CLTA: variants seen among roughly 807,000 people sequenced by gnomAD.
CLTA encodes clathrin, light polypeptide (Lca).
CLTA carries 9 observed loss-of-function variants against 26.9 expected under a neutral mutation model. The observed-to-expected ratio is 0.33, with a 90% confidence interval of 0.20 to 0.58. The LOEUF is 0.58. Ranked by LOEUF, CLTA falls within the 20% of genes least tolerant of loss-of-function variation. CLTA has a pLI of 0.85. For synonymous variants in CLTA, 120 were observed against 115.5 expected (o/e 1.04, Z -0.25); for missense variants, 278 against 294.2 (o/e 0.94, Z 0.40).
chr9:36,202,753 T>A (rs757201868), intron 3 of CLTA, among the ~76,000 whole-genome samples: 8 of 152,186 alleles, frequency 5.3e-5, no homozygotes, highest in Admixed American at 6.5e-5. Flanking sequence ...CAGAAGAACT[T>A]GTTTAAAGTG....
chr9:36,194,975 T>C (rs912921050), intron 1 of CLTA, among the ~76,000 whole-genome samples: 20 of 152,280 alleles, frequency 1.3e-4, no homozygotes, highest in African/African-American at 4.3e-4. Flanking sequence ...GAGGATTGCT[T>C]CTTGTTTTGT....
chr9:36,204,194 G>T lies in CLTA; in HGVS notation c.485+15G>T. The T allele has an allele frequency of 1.9e-6, 3 of 1,603,592 alleles. No homozygotes were observed. The highest frequency in any genetic ancestry group is 2.6e-6 in the Non-Finnish European group (3 of 1,175,164). On this transcript the variant is annotated intron_variant, in intron 4 of 4. Coordinates refer to ENST00000345519, the MANE Select transcript of CLTA (RefSeq NM_001833.4). Reference sequence around the variant, plus strand: ...GCAAACAACAGGTCAGTCCGTGGTGGTTGTAGCACACTTTGTTTTCCAAAA... The same window carrying T: ...GCAAACAACAGGTCAGTCCGTGGTGTTTGTAGCACACTTTGTTTTCCAAAA...
chr9:36,207,972 G>T (rs1292246436), intron 4 of CLTA, among the ~76,000 whole-genome samples: 2 of 152,106 alleles, frequency 1.3e-5, no homozygotes, highest in Non-Finnish European at 2.9e-5. Flanking sequence ...TAATCAGCCT[G>T]CTCTTTTTGC....
chr9:36,197,714 T>A lies in CLTA; in HGVS notation c.255+126T>A, dbSNP rs1288904260. ...TTCCTGAATGTATTACTGGCTGGTGTGTTATCTACCAAAGTGGAAAGATTT... is the reference window on the plus strand; with the variant it reads ...TTCCTGAATGTATTACTGGCTGGTGAGTTATCTACCAAAGTGGAAAGATTT... On this transcript the variant is annotated intron_variant, in intron 2 of 4. Coordinates refer to ENST00000345519, the MANE Select transcript of CLTA (RefSeq NM_001833.4). 8 of 677,468 alleles carry A rather than the reference T, an allele frequency of 1.2e-5. No homozygotes were observed. In the East Asian group the frequency reaches 1.9e-4, roughly 16 times the overall value. The allele number at this position is 677,468 out of a possible 1,614,324, so 42.0% of individuals were successfully genotyped here. A position where few individuals can be genotyped will look rare whatever the true frequency, so the allele number is the denominator to read the frequency against.
chr9:36,194,988 A>G (rs1257494341), intron 1 of CLTA, among the ~76,000 whole-genome samples: 1 of 152,196 alleles, frequency 6.6e-6, no homozygotes, highest in African/African-American at 2.4e-5. Context: ...TGTTTTGTAT[A>G]TGGAGTAGTG....
intron 1 of CLTA, among the ~76,000 whole-genome samples, chr9:36,192,258 G>A (rs1004441000): frequency 6.6e-6 from 1 of 152,192 alleles, no homozygotes; most frequent in Admixed American, 6.5e-5. Flanking sequence ...AGCCAGGTAG[G>A]TAACATATAC....
In CLTA at chr9:36,211,923, T is replaced by G; in HGVS notation, c.*149T>G. 2.8e-6 allele frequency: 2 copies of G among 724,322 alleles called. No individual in the cohort carries two copies. The highest frequency in any genetic ancestry group is 4.7e-6 in the Non-Finnish European group (2 of 428,960). 44.9% of individuals were successfully genotyped at this position (724,322 alleles called of 1,614,324 possible). A position where few individuals can be genotyped will look rare whatever the true frequency, so the allele number is the denominator to read the frequency against. ...TCATTGTTTGTGATTGCATGTTTCC[T>G]TCCTTCAACTGTGTTCTCCCTGGCA... On this transcript the variant is annotated 3_prime_UTR_variant, in exon 5 of 5. Coordinates refer to ENST00000345519, the MANE Select transcript of CLTA (RefSeq NM_001833.4).
intron 3 of CLTA, among the ~76,000 whole-genome samples, chr9:36,202,216 C>A (rs1321205478): frequency 6.6e-6 from 1 of 152,188 alleles, no homozygotes; most frequent in Non-Finnish European, 1.5e-5. Context: ...AAATTAGATA[C>A]CGAGATGAAC....
chr9:36,206,309 AGTGGC>A (rs1827723223), intron 4 of CLTA, among the ~76,000 whole-genome samples: 1 of 152,144 alleles, frequency 6.6e-6, no homozygotes, highest in South Asian at 2.1e-4. Flanking sequence ...GCATAACGCT[AGTGGC>A]ACACTAGCCA....
chr9:36,203,072 A>G (rs1827509168), intron 3 of CLTA, among the ~76,000 whole-genome samples: 1 of 152,018 alleles, frequency 6.6e-6, no homozygotes, highest in South Asian at 2.1e-4. Context: ...ACCTCAGATG[A>G]TCCACCTGCC....
At chr9:36,210,750 G>A (rs527361966) in intron 4 of CLTA, 46 of 1,485,724 alleles carry the variant, frequency 3.1e-5, no homozygotes, top group African/African-American at 2.8e-4. Context: ...TGTTTGCCAC[G>A]GCCATCCCTG....
At chr9:36,195,696 G>A (rs1826981108) in intron 1 of CLTA, among the ~76,000 whole-genome samples, 3 of 152,232 alleles carry the variant, frequency 2.0e-5, no homozygotes, top group African/African-American at 7.2e-5. Flanking sequence ...GCCAGGTGCG[G>A]TGGCTCACGC....
At chr9:36,208,398 C>T (rs991947022) in intron 4 of CLTA, among the ~76,000 whole-genome samples, 1 of 152,178 alleles carries the variant, frequency 6.6e-6, no homozygotes, top group Non-Finnish European at 1.5e-5. Flanking sequence ...CTGGGCTGCA[C>T]CTTATCAAAG....
intron 4 of CLTA, chr9:36,210,506 A>G: frequency 6.5e-7 from 1 of 1,535,222 alleles, no homozygotes; most frequent in Middle Eastern, 1.7e-4. Flanking sequence ...CACGTCCCCA[A>G]GCACAGATAG....
intron 1 of CLTA, among the ~76,000 whole-genome samples, chr9:36,194,437 A>C (rs535254534): frequency 2.6e-5 from 4 of 152,188 alleles, no homozygotes; most frequent in Non-Finnish European, 5.9e-5. Context: ...GGGAAATCTC[A>C]TGCATGATAG....
At chr9:36,210,699 C>T in intron 4 of CLTA, 1 of 1,612,610 alleles carries the variant, frequency 6.2e-7, no homozygotes, top group Non-Finnish European at 8.5e-7. Context: ...ACTGTGTGTG[C>T]CATGAAGTCG....
intron 3 of CLTA, among the ~76,000 whole-genome samples, chr9:36,201,810 T>C (rs1827428202): frequency 6.6e-6 from 1 of 152,124 alleles, no homozygotes; most frequent in African/African-American, 2.4e-5. Context: ...GATAGACACA[T>C]ATTAGATGTT....
chr9:36,200,575 A>G (rs892640113), intron 3 of CLTA, among the ~76,000 whole-genome samples: 5 of 152,248 alleles, frequency 3.3e-5, no homozygotes, highest in African/African-American at 4.8e-5. Context: ...GACACAGCCA[A>G]TTAGTGCCAA....
At chr9:36,199,675 C>T (rs994141731) in intron 3 of CLTA, among the ~76,000 whole-genome samples, 2 of 151,452 alleles carry the variant, frequency 1.3e-5, no homozygotes, top group South Asian at 2.1e-4. Context: ...AGGTTGGTCT[C>T]GATCTCCTGA....
Sources: gnomAD v4.1 joint callset for allele counts (sites outside exome capture counted in the v4.1 genomes callset) on GRCh38, gnomAD v4.1.1 for gene constraint, MANE v1.5 for transcripts, NCBI Gene and HGNC (gene_info 2026-07-23, HGNC 2026-07-21) for gene names.